The following STK32A variants were observed in gnomAD, a reference collection of about 807,000 sequenced individuals.
STK32A encodes serine/threonine kinase 32A.
A neutral mutation model predicts 53.2 loss-of-function variants in STK32A; 41 were observed. That is an observed-to-expected ratio of 0.77 (90% CI 0.60 to 1.00). The LOEUF is 1.00. Among genes scored for constraint, STK32A ranks in the 50% least tolerant of loss-of-function variants. The probability of loss-of-function intolerance (pLI) is 0.00; values close to 1 mark genes in which losing one functional copy is unlikely to be tolerated. For synonymous variants in STK32A, 166 were observed against 162.8 expected (o/e 1.02, Z -0.15); for missense variants, 458 against 485.8 (o/e 0.94, Z 0.54).
chr5:147,374,557 C>T (rs1278845325), intron 10 of STK32A, among the ~76,000 whole-genome samples: 2 of 152,128 alleles, frequency 1.3e-5, no homozygotes, highest in Non-Finnish European at 2.9e-5. Context: ...AAGGTCTAGG[C>T]ACCCCAACTC....
chr5:147,258,516 TA>T (rs1175695825), intron 2 of STK32A, among the ~76,000 whole-genome samples: 1 of 151,826 alleles, frequency 6.6e-6, no homozygotes, highest in Non-Finnish European at 1.5e-5. Flanking sequence ...ATTTCTTACA[TA>T]AATTCCCTTT....
chr5:147,335,712 G>A (rs1216311942), intron 5 of STK32A, among the ~76,000 whole-genome samples: 2 of 152,184 alleles, frequency 1.3e-5, no homozygotes, highest in Non-Finnish European at 2.9e-5. Context: ...CTCCTACTTA[G>A]GCCTGACTCA....
In STK32A at chr5:147,385,407, G is replaced by A. The variant is rs1757611495; in HGVS notation, c.*1424G>A. 6.6e-6 allele frequency: 1 copy of A among 152,214 alleles called. No homozygotes were observed. The highest frequency in any genetic ancestry group is 2.4e-5 in the African/African-American group (1 of 41,422). 9.4% of individuals were successfully genotyped at this position (152,214 alleles called of 1,614,324 possible). On this transcript the variant is annotated 3_prime_UTR_variant, in exon 13 of 13. Coordinates refer to ENST00000397936, the MANE Select transcript of STK32A (RefSeq NM_001112724.2). ...GCCCACCTTGGCCTCCCAAAGTGCT[G>A]GGATTACAGGCGTGAGCCACCAAAC...
intron 11 of STK32A, chr5:147,383,226 G>A (rs1561761178): frequency 6.9e-6 from 4 of 579,282 alleles, no homozygotes; most frequent in Non-Finnish European, 1.2e-5. Context: ...TTCTGCCAGT[G>A]CAATCGCTGT....
chr5:147,354,004 T>TGGAG (rs1554107809), intron 7 of STK32A, among the ~76,000 whole-genome samples: 1 of 148,346 alleles, frequency 6.7e-6, no homozygotes, highest in Admixed American at 6.7e-5. Flanking sequence ...CCCATGTAAC[T>TGGAG]AGAGAGAGAG....
the STK32A span, chr5:147,394,177 G>A: frequency 6.4e-7 from 1 of 1,573,980 alleles, no homozygotes; most frequent in South Asian, 1.1e-5. Context: ...TGGCGGGTAG[G>A]GGGATGTGGG....
chr5:147,401,638 A>G, the STK32A span: 9 of 1,614,044 alleles, frequency 5.6e-6, no homozygotes, highest in Non-Finnish European at 8.5e-7. Flanking sequence ...TCTTGCTCCA[A>G]TAATGGGTTC....
intron 4 of STK32A, among the ~76,000 whole-genome samples, chr5:147,310,287 G>A (rs951067906): frequency 6.6e-6 from 1 of 152,120 alleles, no homozygotes; most frequent in Non-Finnish European, 1.5e-5. Flanking sequence ...AGAGAGCCTG[G>A]GATGAAGGCG....
chr5:147,273,658 A>T (rs1375836014), intron 2 of STK32A, among the ~76,000 whole-genome samples: 1 of 152,244 alleles, frequency 6.6e-6, no homozygotes, highest in South Asian at 2.1e-4. Flanking sequence ...TCCTAGATGC[A>T]GTTAATGAGC....
chr5:147,235,371 G>T (rs1258776442), intron 1 of STK32A, among the ~76,000 whole-genome samples, 172 bp downstream of exon 1: 1 of 152,206 alleles, frequency 6.6e-6, no homozygotes, highest in East Asian at 1.9e-4. Flanking sequence ...CTCCATCCAG[G>T]TTCCCCTGCC....
At chr5:147,330,027 A>G (rs1407439469) in intron 5 of STK32A, among the ~76,000 whole-genome samples, 1 of 152,180 alleles carries the variant, frequency 6.6e-6, no homozygotes, top group African/African-American at 2.4e-5. Flanking sequence ...ACTATGCTGG[A>G]TTAGTTTTGT....
At chr5:147,355,788 GTGTGTA>G (rs1756206396) in intron 7 of STK32A, among the ~76,000 whole-genome samples, 12 of 137,510 alleles carry the variant, frequency 8.7e-5, no homozygotes, top group African/African-American at 3.2e-4. Flanking sequence ...GTGAGTGTGT[GTGTGTA>G]TATATATATA....
chr5:147,300,726 T>G (rs565998439), intron 4 of STK32A, among the ~76,000 whole-genome samples: 1 of 152,232 alleles, frequency 6.6e-6, no homozygotes, highest in Non-Finnish European at 1.5e-5. Flanking sequence ...AATCTGAGTT[T>G]GAATTTCTGT....
chr5:147,303,134 G>A (rs753027665), intron 4 of STK32A, among the ~76,000 whole-genome samples: 58 of 152,092 alleles, frequency 3.8e-4, no homozygotes, highest in Non-Finnish European at 7.5e-4. Flanking sequence ...AAAAGAAGAC[G>A]CTTCCCAATA....
At chr5:147,304,566 C>G (rs933461483) in intron 4 of STK32A, among the ~76,000 whole-genome samples, 34 of 152,040 alleles carry the variant, frequency 2.2e-4, no homozygotes, top group African/African-American at 8.2e-4. Flanking sequence ...AAGGGAGCAC[C>G]TTGGGAAAGA....
downstream of STK32A, chr5:147,391,542 T>G (rs987097041): frequency 2.6e-5 from 4 of 152,376 alleles, no homozygotes; most frequent in East Asian, 1.9e-4. Context: ...TGGAATCAGA[T>G]AGACGATCCA....
At chr5:147,376,571 T>C (rs942764348) in intron 11 of STK32A, among the ~76,000 whole-genome samples, 17 of 152,158 alleles carry the variant, frequency 1.1e-4, no homozygotes, top group African/African-American at 3.9e-4. Context: ...ATACGTACCA[T>C]GCTCAACATG....
At chr5:147,370,514 C>A in intron 8 of STK32A, 140 bp from the exon 9 acceptor site, 1 of 481,072 alleles carries the variant, frequency 2.1e-6, no homozygotes. Context: ...ACACATATGG[C>A]AACGCAAGAG....
intron 4 of STK32A, among the ~76,000 whole-genome samples, chr5:147,312,597 C>T (rs553347317): frequency 5.3e-5 from 8 of 152,216 alleles, no homozygotes; most frequent in African/African-American, 9.6e-5. Flanking sequence ...ATTCAAGGTG[C>T]ATTTTTTCTT....
Sources: gnomAD v4.1 joint callset for allele counts (sites outside exome capture counted in the v4.1 genomes callset) on GRCh38, gnomAD v4.1.1 for gene constraint, MANE v1.5 for transcripts, NCBI Gene and HGNC (gene_info 2026-07-23, HGNC 2026-07-21) for gene names.